DLGAP2: variants seen among roughly 807,000 people sequenced by gnomAD.
The protein encoded by DLGAP2 is disks large-associated protein 2.
DLGAP2 carries 26 observed loss-of-function variants against 100.3 expected under a neutral mutation model. That is an observed-to-expected ratio of 0.26 (90% CI 0.19 to 0.36). DLGAP2 has a LOEUF of 0.36. Ranked by LOEUF, DLGAP2 falls within the 10% of genes least tolerant of loss-of-function variation. The pLI is 1.00. For synonymous variants in DLGAP2, 886 were observed against 630.1 expected (o/e 1.41, Z -6.08); for missense variants, 1,858 against 1,453.2 (o/e 1.28, Z -4.53).
intron 2 of DLGAP2, among the ~76,000 whole-genome samples, chr8:1,177,867 A>G (rs1019721426): frequency 6.6e-6 from 1 of 152,076 alleles, no homozygotes; most frequent in African/African-American, 2.4e-5. Context: ...TAATACCACC[A>G]CTGTGGGGGC....
At chr8:1,659,892 T>C (rs1563046681) in intron 8 of DLGAP2, among the ~76,000 whole-genome samples, 1 of 152,310 alleles carries the variant, frequency 6.6e-6, no homozygotes, top group South Asian at 2.1e-4. Flanking sequence ...ATTATGATGA[T>C]AGCTGGTTAT....
chr8:1,662,212 G>A (rs921613732), intron 8 of DLGAP2, among the ~76,000 whole-genome samples: 14 of 152,210 alleles, frequency 9.2e-5, no homozygotes, highest in African/African-American at 3.4e-4. Flanking sequence ...AATTTTCATT[G>A]ATTTGGTATG....
intron 3 of DLGAP2, among the ~76,000 whole-genome samples, chr8:1,267,411 C>T (rs1303725434): frequency 6.7e-6 from 1 of 150,140 alleles, no homozygotes; most frequent in African/African-American, 2.4e-5. Context: ...ACTGAAAATA[C>T]AAAAATTAGC....
intron 3 of DLGAP2, among the ~76,000 whole-genome samples, chr8:1,315,348 A>T (rs1167360951): frequency 7.0e-6 from 1 of 142,340 alleles, no homozygotes; most frequent in Non-Finnish European, 1.5e-5. Context: ...GGCAGCGTTT[A>T]AAAATAGAGC....
chr8:750,679 G>A (rs1347722787), intron 1 of DLGAP2, among the ~76,000 whole-genome samples: 2 of 152,196 alleles, frequency 1.3e-5, no homozygotes, highest in African/African-American at 2.4e-5. Context: ...CCCACATCCC[G>A]GTCTGCCTCC....
chr8:1,509,571 T>C (rs529968661), intron 4 of DLGAP2, among the ~76,000 whole-genome samples: 1 of 152,102 alleles, frequency 6.6e-6, no homozygotes, highest in Non-Finnish European at 1.5e-5. Context: ...GCTGTCTCGG[T>C]GTTTGAAACA....
chr8:1,531,071 A>G (rs7015237), intron 4 of DLGAP2, among the ~76,000 whole-genome samples: 27,271 of 152,220 alleles, frequency 0.18, 2,644 homozygotes, highest in African/African-American at 0.24. Context: ...TTGAGAAACC[A>G]TAAAGTTTCC....
At chr8:745,503 A>G (rs1302547147) in intron 1 of DLGAP2, among the ~76,000 whole-genome samples, 2 of 152,188 alleles carry the variant, frequency 1.3e-5, no homozygotes, top group African/African-American at 4.8e-5. Flanking sequence ...TTCTCTAATG[A>G]TATTTTCTCA....
intron 2 of DLGAP2, among the ~76,000 whole-genome samples, chr8:1,007,106 G>A (rs1288950667): frequency 2.7e-5 from 4 of 149,684 alleles, no homozygotes; most frequent in African/African-American, 4.9e-5. Context: ...TGTCGGGGAC[G>A]CCGTGTGTCT....
chr8:873,010 A>C (rs868742426), intron 1 of DLGAP2, among the ~76,000 whole-genome samples: 1 of 151,784 alleles, frequency 6.6e-6, no homozygotes, highest in South Asian at 2.1e-4. Flanking sequence ...TATAAAGCTT[A>C]ATACAGTGTA....
chr8:1,569,816 T>C (rs1319395807), intron 6 of DLGAP2, among the ~76,000 whole-genome samples: 6 of 151,656 alleles, frequency 4.0e-5, no homozygotes, highest in Non-Finnish European at 7.4e-5. Flanking sequence ...GCAGGGTAGA[T>C]CTTCACCCTG....
At chr8:1,555,365 C>T (rs1318012278) in intron 5 of DLGAP2, among the ~76,000 whole-genome samples, 1 of 152,208 alleles carries the variant, frequency 6.6e-6, no homozygotes, top group Non-Finnish European at 1.5e-5. Context: ...GTGCCTGCCC[C>T]CCACACTCTA....
chr8:849,112 A>G (rs543422748), intron 1 of DLGAP2, among the ~76,000 whole-genome samples: 1 of 150,596 alleles, frequency 6.6e-6, no homozygotes, highest in Non-Finnish European at 1.5e-5. Context: ...AGGAATGTGC[A>G]GTGTCTGTTC....
chr8:1,072,487 C>G (rs889649205), intron 2 of DLGAP2, among the ~76,000 whole-genome samples: 13 of 152,132 alleles, frequency 8.5e-5, no homozygotes, highest in African/African-American at 3.1e-4. Context: ...TTCACGTTAT[C>G]TTGGAGAACT....
At chr8:941,421 TACTC>T (rs566326944) in intron 2 of DLGAP2, among the ~76,000 whole-genome samples, 46 of 152,274 alleles carry the variant, frequency 3.0e-4, no homozygotes, top group African/African-American at 8.2e-4. Context: ...GGGTCTGTGT[TACTC>T]ACTCGAGATG....
At chr8:1,303,577 T>C (rs1272673375) in intron 3 of DLGAP2, among the ~76,000 whole-genome samples, 1 of 152,088 alleles carries the variant, frequency 6.6e-6, no homozygotes, top group Non-Finnish European at 1.5e-5. Context: ...TTATTTTATT[T>C]TTAAAGGTGT....
intron 4 of DLGAP2, among the ~76,000 whole-genome samples, chr8:1,514,625 A>C (rs1355653763): frequency 6.6e-6 from 1 of 152,096 alleles, no homozygotes; most frequent in Non-Finnish European, 1.5e-5. Context: ...GCTTATACTC[A>C]CCTATGTCAC....
chr8:844,380 C>T (rs935377737), intron 1 of DLGAP2, among the ~76,000 whole-genome samples: 1 of 152,228 alleles, frequency 6.6e-6, no homozygotes, highest in Non-Finnish European at 1.5e-5. Flanking sequence ...TGCTCAGCAG[C>T]CAGATCAACA....
intron 2 of DLGAP2, among the ~76,000 whole-genome samples, chr8:1,231,593 A>G (rs997356927): frequency 6.6e-6 from 1 of 152,236 alleles, no homozygotes; most frequent in Non-Finnish European, 1.5e-5. Context: ...TAGGCATGCA[A>G]CACAGGTGGA....
Sources: gnomAD v4.1 joint callset for allele counts (sites outside exome capture counted in the v4.1 genomes callset) on GRCh38, gnomAD v4.1.1 for gene constraint, MANE v1.5 for transcripts, NCBI Gene and HGNC (gene_info 2026-07-23, HGNC 2026-07-21) for gene names.